The following TDRD5 variants were observed in gnomAD, a reference collection of about 807,000 sequenced individuals.
TDRD5 encodes the protein tudor domain-containing protein 5.
TDRD5 carries 41 observed loss-of-function variants against 120.6 expected under a neutral mutation model. That is an observed-to-expected ratio of 0.34 (90% CI 0.26 to 0.44). The LOEUF is 0.44. Among genes scored for constraint, TDRD5 ranks in the 20% least tolerant of loss-of-function variants. The probability of loss-of-function intolerance (pLI) is 1.00; values close to 1 mark genes in which losing one functional copy is unlikely to be tolerated. For missense variants in TDRD5, 1,006 were observed against 1,221.2 expected (o/e 0.82, Z 2.63); for synonymous variants, 430 against 433.7 (o/e 0.99, Z 0.11).
At chr1:179,636,789 C>T (rs1191293485) in intron 9 of TDRD5, among the ~76,000 whole-genome samples, 2 of 152,202 alleles carry the variant, frequency 1.3e-5, no homozygotes, top group African/African-American at 4.8e-5. Flanking sequence ...AATCCTTTTA[C>T]TCGAAAGTTT....
At chr1:179,596,899 A>G (rs1675423880) in intron 4 of TDRD5, among the ~76,000 whole-genome samples, 1 of 152,226 alleles carries the variant, frequency 6.6e-6, no homozygotes, top group Non-Finnish European at 1.5e-5. Context: ...AAGTGGCTGT[A>G]TGACTTTCCT....
chr1:179,596,722 T>C (rs1345312850), intron 4 of TDRD5, among the ~76,000 whole-genome samples: 2 of 152,234 alleles, frequency 1.3e-5, no homozygotes, highest in African/African-American at 4.8e-5. Flanking sequence ...CCCCATTAGA[T>C]GACATTTGGG....
intron 16 of TDRD5, among the ~76,000 whole-genome samples, chr1:179,664,987 C>T (rs954234079): frequency 6.6e-6 from 1 of 152,074 alleles, no homozygotes; most frequent in African/African-American, 2.4e-5. Context: ...TATGGCCATG[C>T]TAGTGGATAT....
At chr1:179,592,368 C>T in intron 1 of TDRD5, 3 of 454,700 alleles carry the variant, frequency 6.6e-6, no homozygotes, top group Non-Finnish European at 1.2e-5. Context: ...CAGTTAACGC[C>T]TCCGCATGGC....
chr1:179,617,361 G>A lies in TDRD5; in HGVS notation c.832-1238G>A, dbSNP rs139035063. Among the ~76,000 whole-genome samples the A allele has an allele frequency of 3.8e-3, 579 of 152,260 alleles. 1 individual carries two copies. The highest frequency in any genetic ancestry group is 5.6e-3 in the Non-Finnish European group (380 of 67,990). On this transcript the variant is annotated intron_variant, in intron 4 of 17. Transcript: ENST00000444136. ...CAGGCAAGGGTCATGCTCACACCATGTGCCAGGCATTATGTTATGCACTCT... is the reference window on the plus strand; with the variant it reads ...CAGGCAAGGGTCATGCTCACACCATATGCCAGGCATTATGTTATGCACTCT...
intron 4 of TDRD5, among the ~76,000 whole-genome samples, chr1:179,614,420 A>T (rs1448631423): frequency 6.6e-6 from 1 of 152,172 alleles, no homozygotes; most frequent in East Asian, 1.9e-4. Context: ...CTCTATTTTC[A>T]GTTTTTGCTA....
intron 2 of TDRD5, 97 bp from the exon 3 acceptor site, chr1:179,593,348 GCCTGGATAAACAGCT>G (rs1181079508): frequency 8.4e-7 from 1 of 1,186,864 alleles, no homozygotes; most frequent in African/African-American, 1.5e-5. Context: ...TTATCGTGCT[GCCTGGATAAACAGCT>G]CCTTGGAGAG....
intron 5 of TDRD5, among the ~76,000 whole-genome samples, chr1:179,619,250 G>A (rs535862719): frequency 4.6e-5 from 7 of 152,198 alleles, no homozygotes; most frequent in East Asian, 3.9e-4. Flanking sequence ...ATCCCATCAC[G>A]TTGTTTTAGT....
intron 7 of TDRD5, among the ~76,000 whole-genome samples, chr1:179,631,851 ATTTTTT>A (rs745777571): frequency 1.3e-5 from 1 of 74,370 alleles, no homozygotes; most frequent in Non-Finnish European, 2.5e-5. Context: ...AGGGCACTTG[ATTTTTT>A]TTTTTTTTTT....
intron 9 of TDRD5, among the ~76,000 whole-genome samples, chr1:179,638,153 G>GTAAATACCCAGTTAA (rs1292450141): frequency 2.3e-5 from 3 of 133,142 alleles, no homozygotes; most frequent in Admixed American, 8.1e-5. Context: ...AATACCATGG[G>GTAAATACCCAGTTAA]AAGATGTTTT....
At chr1:179,670,161 G>T (rs530140568) in intron 17 of TDRD5, among the ~76,000 whole-genome samples, 1 of 152,308 alleles carries the variant, frequency 6.6e-6, no homozygotes, top group East Asian at 1.9e-4. Context: ...GGAGGCTGAG[G>T]TGGGTGGATC....
At chr1:179,689,569 C>T (rs1391338060) in intron 17 of TDRD5, among the ~76,000 whole-genome samples, 1 of 152,230 alleles carries the variant, frequency 6.6e-6, no homozygotes, top group East Asian at 1.9e-4. Context: ...AACCACTACT[C>T]TCTTCAAAGC....
chr1:179,601,827 A>G (rs773835224), intron 4 of TDRD5, among the ~76,000 whole-genome samples: 12 of 152,184 alleles, frequency 7.9e-5, no homozygotes, highest in Admixed American at 2.0e-4. Context: ...TCCTTTTGAG[A>G]TGGAGTCTTG....
chr1:179,611,033 A>G (rs1676248804), intron 4 of TDRD5, among the ~76,000 whole-genome samples: 1 of 151,346 alleles, frequency 6.6e-6, no homozygotes, highest in Admixed American at 6.6e-5. Context: ...ATTTCTCGAA[A>G]TTGTATTCTT....
intron 4 of TDRD5, among the ~76,000 whole-genome samples, chr1:179,609,322 T>C (rs535221910): frequency 1.3e-5 from 2 of 152,324 alleles, no homozygotes; most frequent in Non-Finnish European, 2.9e-5. Context: ...ATATACCTTA[T>C]ACACATAAGC....
In TDRD5 at chr1:179,652,134, G is replaced by C; in HGVS notation, c.2097G>C (p.Gln699His). Residue 699 changes from glutamine (Q) to histidine (H), a missense_variant, in exon 13 of 18, where the codon CAG (glutamine) becomes CAC (histidine). Gln to His is a conservative substitution (Grantham distance 24, BLOSUM62 0). Coordinates refer to ENST00000444136, the MANE Select transcript of TDRD5 (RefSeq NM_001199085.3). ...CAGAACTGGGTTATCCTTCCCAGCAGCACTATTTTAATGAAGACCGAAAGA... is the reference window on the plus strand; with the variant it reads ...CAGAACTGGGTTATCCTTCCCAGCACCACTATTTTAATGAAGACCGAAAGA... ...VLTELGYPSQ[Q>H]HYFNEDRKIS... is the part of the protein sequence containing the mutation. The C allele has an allele frequency of 6.2e-7, 1 of 1,613,968 alleles. No homozygotes were observed. Among genetic ancestry groups the C allele is most frequent in the Middle Eastern group, 1.7e-4 (1 of 6,060 alleles).
chr1:179,600,606 A>AT (rs1446446656), intron 4 of TDRD5, among the ~76,000 whole-genome samples: 1 of 151,992 alleles, frequency 6.6e-6, no homozygotes, highest in Non-Finnish European at 1.5e-5. Flanking sequence ...AGTTTTGATA[A>AT]TTTTTTTTAT....
chr1:179,657,716 T>C (rs1679080129), intron 14 of TDRD5, among the ~76,000 whole-genome samples: 1 of 152,190 alleles, frequency 6.6e-6, no homozygotes, highest in African/African-American at 2.4e-5. Flanking sequence ...TGTGTGGATC[T>C]TTATTTTCTT....
rs1392218553 is a variant in TDRD5, at chr1:179,591,947, G to C, written c.-193G>C. 1 of 152,668 alleles carries C rather than the reference G, an allele frequency of 6.6e-6. No homozygotes were observed. The highest frequency in any genetic ancestry group is 2.4e-5 in the African/African-American group (1 of 41,470). The allele number at this position is 152,668 out of a possible 1,614,324, so 9.5% of individuals were successfully genotyped here. On this transcript the variant is annotated 5_prime_UTR_variant, in exon 1 of 18. Coordinates refer to ENST00000444136, the MANE Select transcript of TDRD5 (RefSeq NM_001199085.3). ...CGTCAGGGCGCGGTGGGGGCAAGAC[G>C]GGTGACTGGCAGCAGGGCGGTGCCG...
Sources: allele counts gnomAD v4.1 joint callset (sites outside exome capture counted in the v4.1 genomes callset), GRCh38; gene constraint gnomAD v4.1.1; transcripts MANE v1.5; gene names NCBI Gene and HGNC (gene_info 2026-07-23, HGNC 2026-07-21).